Variants in DGKB observed in about 807,000 individuals in gnomAD.
DGKB encodes diacylglycerol kinase beta.
Under a neutral mutation model 114.3 loss-of-function variants are expected in DGKB, and 67 were observed. The observed-to-expected ratio is 0.59, with a 90% CI of 0.48 to 0.72. The LOEUF is 0.72. Ranked by LOEUF, DGKB falls within the 30% of genes least tolerant of loss-of-function variation. The probability of loss-of-function intolerance (pLI) is 0.00; values close to 1 mark genes in which losing one functional copy is unlikely to be tolerated. For synonymous variants in DGKB, 398 were observed against 323.1 expected, an observed-to-expected ratio of 1.23 and a Z score of -2.49; for missense variants, 907 against 975.2, an observed-to-expected ratio of 0.93 and a Z score of 0.93.
intron 9 of DGKB, among the ~76,000 whole-genome samples, chr7:14,686,761 T>G (rs1263460184): frequency 6.6e-6 from 1 of 152,180 alleles, no homozygotes; most frequent in Non-Finnish European, 1.5e-5. Flanking sequence ...ACATGAAACA[T>G]TAATGAAATG....
chr7:14,145,432 G>A lies in DGKB; in HGVS notation c.*3699C>T, dbSNP rs1444651289. The stretch of plus-strand genomic sequence containing the variant: ...ATTGTTCAGTATTGAATAATCCTTT[G>A]GGGGTTATACGTGCCATGAAAAGTA... On this transcript the variant is annotated 3_prime_UTR_variant, in exon 26 of 26. Coordinates refer to ENST00000402815, the MANE Select transcript of DGKB (RefSeq NM_001350709.2). 1 of 150,520 alleles carries A rather than the reference G, an allele frequency of 6.6e-6. No individual in the cohort carries two copies. 9.3% of individuals were successfully genotyped at this position (150,520 alleles called of 1,614,324 possible). A position where few individuals can be genotyped will look rare whatever the true frequency, so the allele number is the denominator to read the frequency against.
At chr7:14,833,498 T>G (rs571026853) in intron 2 of DGKB, among the ~76,000 whole-genome samples, 66 of 152,252 alleles carry the variant, frequency 4.3e-4, no homozygotes, top group African/African-American at 1.6e-3. Flanking sequence ...GACTCCAGGA[T>G]TTGGATTTTA....
At chr7:14,812,392 ATT>A (rs1016709159) in intron 2 of DGKB, among the ~76,000 whole-genome samples, 1 of 151,952 alleles carries the variant, frequency 6.6e-6, no homozygotes, top group African/African-American at 2.4e-5. Context: ...AAATAAAGCC[ATT>A]TTGTGTGTGT....
Position 14,964,461 on chromosome 7 carries a change from T to C in DGKB, c.-188+10235A>G, listed in dbSNP as rs544879479. Among the ~76,000 whole-genome samples the C allele has an allele frequency of 6.6e-5, 10 of 152,172 alleles. No individual in the cohort carries two copies. The East Asian group carries it at 1.4e-3, about 21-fold the overall frequency. ...TCTGCAGTGAGCTAAGATCGCACCATTGCACTCCAGCCTAGGTGACAGAGC... is the reference window on the plus strand; with the variant it reads ...TCTGCAGTGAGCTAAGATCGCACCACTGCACTCCAGCCTAGGTGACAGAGC... On this transcript the variant is annotated intron_variant, in intron 1 of 4. Coordinates refer to the DGKB transcript ENST00000437998.
At chr7:14,329,959 TAGAC>T (rs1562948866) in intron 23 of DGKB, among the ~76,000 whole-genome samples, 1 of 152,012 alleles carries the variant, frequency 6.6e-6, no homozygotes, top group African/African-American at 2.4e-5. Context: ...CTATTTTCAA[TAGAC>T]AGAGGACTGG....
At chr7:14,635,711 G>A (rs529058577) in intron 13 of DGKB, among the ~76,000 whole-genome samples, 1 of 151,474 alleles carries the variant, frequency 6.6e-6, no homozygotes, top group South Asian at 2.1e-4. Flanking sequence ...TTATGTTTGT[G>A]TATGTTTGGG....
At chr7:14,688,004 A>C (rs1822019168) in intron 9 of DGKB, among the ~76,000 whole-genome samples, 1 of 152,252 alleles carries the variant, frequency 6.6e-6, no homozygotes, top group African/African-American at 2.4e-5. Context: ...CATTGCCAAA[A>C]TATGCAAGGG....
intron 1 of DGKB, among the ~76,000 whole-genome samples, chr7:14,877,737 C>T (rs1443968253): frequency 6.6e-6 from 1 of 152,094 alleles, no homozygotes; most frequent in East Asian, 1.9e-4. Context: ...TGTTTATTTA[C>T]CAAGTTGACT....
At chr7:14,559,352 C>G (rs1041556206) in intron 20 of DGKB, among the ~76,000 whole-genome samples, 5 of 152,110 alleles carry the variant, frequency 3.3e-5, no homozygotes, top group East Asian at 3.9e-4. Context: ...GCTCTGCAGT[C>G]CTCCTACATC....
At chr7:14,724,535 T>G (rs1206731693) in intron 5 of DGKB, among the ~76,000 whole-genome samples, 1 of 152,016 alleles carries the variant, frequency 6.6e-6, no homozygotes, top group Admixed American at 6.5e-5. Context: ...TTCATCTGTT[T>G]GGACATTGGC....
chr7:14,494,194 T>C (rs1398191974), intron 20 of DGKB, among the ~76,000 whole-genome samples: 1 of 152,032 alleles, frequency 6.6e-6, no homozygotes, highest in South Asian at 2.1e-4. Context: ...CAAAATATAT[T>C]GTCTTATGGA....
At chr7:14,730,427 G>T (rs552845100) in intron 5 of DGKB, among the ~76,000 whole-genome samples, 2 of 152,114 alleles carry the variant, frequency 1.3e-5, no homozygotes, top group African/African-American at 4.8e-5. Flanking sequence ...GGAACACACC[G>T]CGTGCTATTT....
intron 23 of DGKB, among the ~76,000 whole-genome samples, chr7:14,334,372 G>GTGTA (rs1810296147): frequency 1.2e-5 from 1 of 80,506 alleles, no homozygotes; most frequent in African/African-American, 3.5e-5. Flanking sequence ...ATGTGTGTGT[G>GTGTA]TGTGTGTGTG....
intron 17 of DGKB, among the ~76,000 whole-genome samples, chr7:14,604,665 G>A (rs145653212): frequency 6.6e-6 from 1 of 152,142 alleles, no homozygotes; most frequent in East Asian, 1.9e-4. Context: ...AACTTCTAAC[G>A]CCATACATTA....
At chr7:14,557,765 T>G (rs992539334) in intron 20 of DGKB, among the ~76,000 whole-genome samples, 23 of 152,054 alleles carry the variant, frequency 1.5e-4, no homozygotes, top group Non-Finnish European at 5.9e-5. Flanking sequence ...TTCTTAAATT[T>G]CTTAATTTTT....
chr7:14,342,595 G>T (rs143998165), intron 22 of DGKB, among the ~76,000 whole-genome samples: 24 of 151,694 alleles, frequency 1.6e-4, no homozygotes, highest in Admixed American at 1.6e-3. Flanking sequence ...CAATCAATTT[G>T]CTCATTAGAT....
At chr7:14,165,934 T>A (rs1241695445) in intron 25 of DGKB, among the ~76,000 whole-genome samples, 1 of 152,200 alleles carries the variant, frequency 6.6e-6, no homozygotes, top group African/African-American at 2.4e-5. Context: ...CTCAGAAGCA[T>A]GGTATTTCTT....
intron 21 of DGKB, among the ~76,000 whole-genome samples, chr7:14,414,778 C>T (rs899570428): frequency 5.3e-5 from 8 of 152,032 alleles, no homozygotes; most frequent in Non-Finnish European, 8.8e-5. Flanking sequence ...TAGGTTGACA[C>T]GGGTGTGAAA....
At chr7:14,481,808 T>C (rs1228805884) in intron 20 of DGKB, among the ~76,000 whole-genome samples, 1 of 152,014 alleles carries the variant, frequency 6.6e-6, no homozygotes, top group African/African-American at 2.4e-5. Flanking sequence ...CTAAAAAGTT[T>C]CAAAAGCTGG....
Sources: gnomAD v4.1 joint callset for allele counts (sites outside exome capture counted in the v4.1 genomes callset) on GRCh38, gnomAD v4.1.1 for gene constraint, MANE v1.5 for transcripts, NCBI Gene and HGNC (gene_info 2026-07-23, HGNC 2026-07-21) for gene names.